Variants in TENM3 observed in about 807,000 individuals in gnomAD.
TENM3 encodes teneurin-3.
In TENM3, 63 loss-of-function variants were observed where a neutral mutation model predicts 255.1. The ratio of observed to expected loss-of-function variants is 0.25; its 90% CI spans 0.20 to 0.30. TENM3 has a LOEUF of 0.30. Ranked by LOEUF, TENM3 falls within the 10% of genes least tolerant of loss-of-function variation. TENM3 has a pLI of 1.00. For synonymous variants in TENM3, 1,306 were observed against 1,322.3 expected, an observed-to-expected ratio of 0.99 and a Z score of 0.27; for missense variants, 2,929 against 3,461.1, an observed-to-expected ratio of 0.85 and a Z score of 3.86.
At chr4:182,176,728 C>A (rs1752510066) in intron 1 of TENM3, among the ~76,000 whole-genome samples, 1 of 150,930 alleles carries the variant, frequency 6.6e-6, no homozygotes, top group Non-Finnish European at 1.5e-5. Flanking sequence ...AGTGCAGTGG[C>A]GTGATCTCGG....
At position 182,621,750 on chromosome 4, in the gene TENM3, T is replaced by TAATA. The variant is rs1382746430; in HGVS notation, c.750-6901_750-6900insAATA. ...TATAAAATATATAATATATAATATA[T>TAATA]TATAATATATAATAATTATATATTA... On this transcript the variant is annotated intron_variant, in intron 4 of 27. Coordinates refer to ENST00000511685, the MANE Select transcript of TENM3 (RefSeq NM_001080477.4). Among the ~76,000 whole-genome samples the TAATA allele has an allele frequency of 7.3e-5, 2 of 27,460 alleles. 1 individual carries two copies. The highest frequency in any genetic ancestry group is 1.7e-4 in the Non-Finnish European group (2 of 11,794). The allele number at this position is 27,460 out of a possible 152,430, so 18.0% of individuals were successfully genotyped here. A position where few individuals can be genotyped will look rare whatever the true frequency, so the allele number is the denominator to read the frequency against.
chr4:182,759,988 ACT>A (rs1161153584), intron 22 of TENM3, among the ~76,000 whole-genome samples: 1 of 152,170 alleles, frequency 6.6e-6, no homozygotes, highest in Non-Finnish European at 1.5e-5. Context: ...ATGGTTTATA[ACT>A]CAGCTTTGAA....
At chr4:181,706,221 T>G in the TENM3 span, among the ~76,000 whole-genome samples, 1 of 152,122 alleles carries the variant, frequency 6.6e-6, no homozygotes, top group African/African-American at 2.4e-5. Flanking sequence ...CCTCTTCTTA[T>G]AAGGGCACCA....
At chr4:181,604,146 T>C in the TENM3 span, among the ~76,000 whole-genome samples, 5 of 151,996 alleles carry the variant, frequency 3.3e-5, no homozygotes, top group African/African-American at 9.7e-5. Context: ...GTGCCTGTAG[T>C]CCCAGCTACT....
intron 4 of TENM3, among the ~76,000 whole-genome samples, chr4:182,622,229 C>T (rs1316790057): frequency 6.6e-6 from 1 of 151,780 alleles, no homozygotes; most frequent in Non-Finnish European, 1.5e-5. Context: ...CATGGTGGCA[C>T]ATGCCTTTCA....
intron 3 of TENM3, among the ~76,000 whole-genome samples, chr4:182,419,132 C>A (rs928601102): frequency 2.6e-5 from 4 of 152,094 alleles, no homozygotes; most frequent in Non-Finnish European, 5.9e-5. Context: ...ACTTCCTGAA[C>A]ACATGATGCA....
the TENM3 span, among the ~76,000 whole-genome samples, chr4:181,696,574 T>C: frequency 6.6e-6 from 1 of 152,250 alleles, no homozygotes; most frequent in African/African-American, 2.4e-5. Flanking sequence ...TTGTCTCTTT[T>C]CATACATTTC....
intron 24 of TENM3, among the ~76,000 whole-genome samples, chr4:182,778,031 A>C (rs1764843212): frequency 6.6e-6 from 1 of 152,180 alleles, no homozygotes; most frequent in Admixed American, 6.5e-5. Context: ...GTAAGGACGC[A>C]GAATAAAGAC....
the TENM3 span, among the ~76,000 whole-genome samples, chr4:182,072,331 A>G: frequency 6.6e-6 from 1 of 152,204 alleles, no homozygotes; most frequent in Non-Finnish European, 1.5e-5. Context: ...TCTTTTCAGT[A>G]GGGTGGACAC....
chr4:181,452,754 G>A, the TENM3 span, among the ~76,000 whole-genome samples: 1 of 152,158 alleles, frequency 6.6e-6, no homozygotes, highest in Non-Finnish European at 1.5e-5. Context: ...TTTGTGCAGA[G>A]CATAGTCCTA....
rs188657089 is a variant in TENM3, at chr4:182,190,951, T to C, written c.-76+46197T>C. 1.5e-3 allele frequency among the ~76,000 whole-genome samples: 234 copies of C among 152,320 alleles called. 1 individual carries two copies. The highest frequency in any genetic ancestry group is 0.014 in the Middle Eastern group (4 of 294). On this transcript the variant is annotated intron_variant, in intron 1 of 2. Transcript: ENST00000512480. The stretch of plus-strand genomic sequence containing the variant: ...AAATATAAAATTACTTGTCTATTTA[T>C]TGAGTACCTACTGTGTGCTAGGCCC...
intron 3 of TENM3, among the ~76,000 whole-genome samples, chr4:182,374,765 C>T (rs1290427714): frequency 1.3e-5 from 2 of 152,052 alleles, no homozygotes; most frequent in African/African-American, 2.4e-5. Flanking sequence ...AAAATTTTTC[C>T]CCCAATTCTC....
chr4:181,738,390 C>T, the TENM3 span, among the ~76,000 whole-genome samples: 2 of 152,108 alleles, frequency 1.3e-5, no homozygotes, highest in Admixed American at 1.3e-4. Context: ...AATCATCTGT[C>T]CATTGTACTG....
the TENM3 span, among the ~76,000 whole-genome samples, chr4:181,613,299 G>A: frequency 6.6e-6 from 1 of 152,206 alleles, no homozygotes. Flanking sequence ...TTCTGCCAAA[G>A]GATTCCTTCC....
intron 3 of TENM3, among the ~76,000 whole-genome samples, chr4:182,363,547 T>C (rs935355242): frequency 6.6e-6 from 1 of 151,724 alleles, no homozygotes; most frequent in African/African-American, 2.4e-5. Context: ...TAAAAAAAAA[T>C]GCATGTTTAT....
the TENM3 span, among the ~76,000 whole-genome samples, chr4:181,699,457 A>G: frequency 7.0e-6 from 1 of 143,454 alleles, no homozygotes; most frequent in African/African-American, 2.5e-5. Context: ...AAAAAAAAAA[A>G]AAAAAAAAAA....
At chr4:181,776,319 T>C in the TENM3 span, among the ~76,000 whole-genome samples, 14 of 152,144 alleles carry the variant, frequency 9.2e-5, no homozygotes, top group African/African-American at 3.1e-4. Context: ...TATTCATCCG[T>C]TGATGGACAC....
At chr4:181,484,287 G>C in the TENM3 span, among the ~76,000 whole-genome samples, 1 of 151,952 alleles carries the variant, frequency 6.6e-6, no homozygotes, top group East Asian at 1.9e-4. Flanking sequence ...TTTTCCTATA[G>C]ATAATCAAAT....
At chr4:181,697,285 G>A in the TENM3 span, among the ~76,000 whole-genome samples, 8 of 152,196 alleles carry the variant, frequency 5.3e-5, no homozygotes, top group Non-Finnish European at 1.0e-4. Context: ...TGCAACATAT[G>A]ACCGATTTCA....
Sources: gnomAD v4.1 joint callset for allele counts (sites outside exome capture counted in the v4.1 genomes callset) on GRCh38, gnomAD v4.1.1 for gene constraint, MANE v1.5 for transcripts, NCBI Gene and HGNC (gene_info 2026-07-23, HGNC 2026-07-21) for gene names.